Variants in RUFY4 observed in about 807,000 individuals in gnomAD.
RUFY4 encodes RUN and FYVE domain containing 4, also known as RUN and FYVE domain-containing protein 4.
RUFY4 carries 73 observed loss-of-function variants against 69.0 expected under a neutral mutation model. The ratio of observed to expected loss-of-function variants is 1.06; its 90% CI spans 0.88 to 1.29. RUFY4 has a LOEUF of 1.29. RUFY4 is among the 50% of genes most tolerant of loss of function. The probability of loss-of-function intolerance (pLI) is 0.00; values close to 1 mark genes in which losing one functional copy is unlikely to be tolerated. For synonymous variants in RUFY4, 287 were observed against 271.8 expected, an observed-to-expected ratio of 1.06 and a Z score of -0.55; for missense variants, 770 against 705.6, an observed-to-expected ratio of 1.09 and a Z score of -1.03.
At position 218,042,838 on chromosome 2, in the gene RUFY4, G is replaced by T. The variant is rs553074635; in HGVS notation, c.-1158+7444G>T. Among the ~76,000 whole-genome samples the T allele has an allele frequency of 1.1e-4, 16 of 152,250 alleles. No individual in the cohort carries two copies. The East Asian group carries it at 3.1e-3, about 29-fold the overall frequency. On this transcript the variant is annotated intron_variant and NMD_transcript_variant, in intron 2 of 13. Coordinates refer to the RUFY4 transcript ENST00000457754. ...AAAAAAATGAACAGGACCAGAATTT[G>T]ATAATGAGTGTGTTACAGTTTTCTA... is the stretch of plus-strand genomic sequence containing the variant.
At chr2:218,061,271 A>G (rs1689183981) in intron 3 of RUFY4, 1 of 335,854 alleles carries the variant, frequency 3.0e-6, no homozygotes, top group South Asian at 2.5e-5. Flanking sequence ...TGATCAAAAC[A>G]TAATTGATTT....
intron 3 of RUFY4, chr2:218,059,752 T>C (rs1689140547): frequency 6.0e-6 from 1 of 166,680 alleles, no homozygotes; most frequent in Admixed American, 6.5e-5. Flanking sequence ...TTTCTGCCTT[T>C]TGGGTCTTAT....
intron 2 of RUFY4, among the ~76,000 whole-genome samples, chr2:218,047,225 G>A (rs531822836): frequency 6.2e-4 from 94 of 152,146 alleles, no homozygotes; most frequent in African/African-American, 2.1e-3. Flanking sequence ...CATTCACAGG[G>A]AGACCAATAC....
chr2:218,040,738 G>A (rs1445659035), intron 2 of RUFY4, among the ~76,000 whole-genome samples: 1 of 152,096 alleles, frequency 6.6e-6, no homozygotes, highest in Non-Finnish European at 1.5e-5. Flanking sequence ...GCAAATACTG[G>A]TAGGGACGGA....
At chr2:218,043,226 G>C (rs1211718322) in intron 2 of RUFY4, among the ~76,000 whole-genome samples, 1 of 151,910 alleles carries the variant, frequency 6.6e-6, no homozygotes, top group African/African-American at 2.4e-5. Flanking sequence ...ATCCCAGTGA[G>C]TGTTCAGCTC....
At chr2:218,057,062 G>A (rs1207177460) in intron 2 of RUFY4, among the ~76,000 whole-genome samples, 1 of 149,472 alleles carries the variant, frequency 6.7e-6, no homozygotes, top group Non-Finnish European at 1.5e-5. Context: ...CTGGGCAACA[G>A]AGTGAGACTC....
chr2:218,073,402 C>A lies in RUFY4; in HGVS notation c.530+16C>A. On this transcript the variant is annotated intron_variant, in intron 5 of 10. Coordinates refer to ENST00000344321, the Ensembl canonical transcript of RUFY4. ...TGTTCTCAGAGTGAGTGGGTGCAGC[C>A]AGGAGAGAAGTCTCTTTTGACACCT... 6.3e-7 allele frequency: 1 copy of A among 1,583,950 alleles called. No individual in the cohort carries two copies.
chr2:218,078,903 T>C (rs1226084113), intron 8 of RUFY4, among the ~76,000 whole-genome samples: 1 of 152,178 alleles, frequency 6.6e-6, no homozygotes, highest in East Asian at 1.9e-4. Flanking sequence ...GTTTCGCTCT[T>C]GCTGCCCAGG....
chr2:218,083,093 C>T lies in RUFY4; in HGVS notation c.1356-17C>T. ...GAGCTTTGCCCCCTGAGAACCTAGT[C>T]TTCCTTCTGTACCCAGGTGTCAGGA... On this transcript the variant is annotated splice_polypyrimidine_tract_variant and intron_variant, in intron 8 of 10. Coordinates refer to ENST00000344321, the Ensembl canonical transcript of RUFY4. The T allele has an allele frequency of 6.2e-7, 1 of 1,609,470 alleles. No homozygotes were observed. Among genetic ancestry groups the T allele is most frequent in the Non-Finnish European group, 8.5e-7 (1 of 1,178,864 alleles).
At chr2:218,087,561 GCT>G (rs1407402998) in intron 9 of RUFY4, among the ~76,000 whole-genome samples, 7 of 152,330 alleles carry the variant, frequency 4.6e-5, no homozygotes, top group Admixed American at 1.3e-4. Context: ...AGGCATGGTG[GCT>G]CATGCCTGTC....
At chr2:218,083,692 G>A (rs1689823487) in intron 9 of RUFY4, among the ~76,000 whole-genome samples, 1 of 151,522 alleles carries the variant, frequency 6.6e-6, no homozygotes, top group Admixed American at 6.6e-5. Flanking sequence ...AGGTTGCAGT[G>A]AGCCAAGATC....
At chr2:218,042,766 A>G (rs1688729845) in intron 2 of RUFY4, among the ~76,000 whole-genome samples, 1 of 152,200 alleles carries the variant, frequency 6.6e-6, no homozygotes, top group Non-Finnish European at 1.5e-5. Context: ...TAGTGAAACC[A>G]GGAAAAATCA....
intron 2 of RUFY4, among the ~76,000 whole-genome samples, chr2:218,056,851 C>T (rs1277783506): frequency 6.6e-6 from 1 of 152,062 alleles, no homozygotes; most frequent in Non-Finnish European, 1.5e-5. Flanking sequence ...TTTGGGAGGC[C>T]GAGGCAGGTG....
upstream of RUFY4, among the ~76,000 whole-genome samples, chr2:218,067,587 A>G (rs1404472923): frequency 1.3e-5 from 2 of 152,180 alleles, no homozygotes. Context: ...ACCAGCTGGG[A>G]TGGAGCTTGT....
chr2:218,038,410 T>C (rs2106024490), intron 2 of RUFY4, among the ~76,000 whole-genome samples: 1 of 152,366 alleles, frequency 6.6e-6, no homozygotes, highest in Non-Finnish European at 1.5e-5. Flanking sequence ...TGCAAAGTGC[T>C]CCATCAGTAA....
At chr2:218,060,175 T>C (rs1333764326) in intron 3 of RUFY4, 8 of 569,452 alleles carry the variant, frequency 1.4e-5, no homozygotes, top group Non-Finnish European at 2.1e-5. Context: ...GCTTTCTAAA[T>C]CATGCAAGGG....
intron 9 of RUFY4, among the ~76,000 whole-genome samples, chr2:218,088,941 C>T (rs916306657): frequency 6.6e-6 from 1 of 151,400 alleles, no homozygotes; most frequent in African/African-American, 2.4e-5. Context: ...CTCTCTCTCT[C>T]TCTCCCTCTT....
chr2:218,060,430 A>G (rs1689154604), intron 3 of RUFY4: 1 of 1,513,714 alleles, frequency 6.6e-7, no homozygotes, highest in Non-Finnish European at 9.1e-7. Flanking sequence ...CAAGCCGTGT[A>G]TGGCTATAAT....
At chr2:218,077,922 C>G (rs1689674174) in intron 8 of RUFY4, among the ~76,000 whole-genome samples, 1 of 152,212 alleles carries the variant, frequency 6.6e-6, no homozygotes, top group Admixed American at 6.5e-5. Context: ...CTGGGAGGAG[C>G]AGCTGGGAGG....
Sources: gnomAD v4.1 joint callset for allele counts (sites outside exome capture counted in the v4.1 genomes callset) on GRCh38, gnomAD v4.1.1 for gene constraint, MANE v1.5 for transcripts, NCBI Gene and HGNC (gene_info 2026-07-23, HGNC 2026-07-21) for gene names.